The following CDKAL1 variants were observed in gnomAD, a reference collection of about 807,000 sequenced individuals.
CDKAL1 encodes threonylcarbamoyladenosine tRNA methylthiotransferase.
Under a neutral mutation model 68.2 loss-of-function variants are expected in CDKAL1, and 32 were observed. The observed-to-expected ratio is 0.47, with a 90% CI of 0.35 to 0.63. The LOEUF (loss-of-function observed/expected upper bound fraction) is 0.63. Ranked by LOEUF, CDKAL1 falls within the 30% of genes least tolerant of loss-of-function variation. CDKAL1 has a pLI of 0.00. For missense variants in CDKAL1, 606 were observed against 696.7 expected (o/e 0.87, Z 1.47); for synonymous variants, 234 against 244.3 (o/e 0.96, Z 0.39).
chr6:21,151,638 A>G (rs1304160822), intron 13 of CDKAL1, among the ~76,000 whole-genome samples: 1 of 152,252 alleles, frequency 6.6e-6, no homozygotes, highest in East Asian at 1.9e-4. Flanking sequence ...AAAAATAAAT[A>G]TGTAATAAAT....
chr6:20,861,141 A>C (rs1361813754), intron 9 of CDKAL1, among the ~76,000 whole-genome samples: 1 of 152,166 alleles, frequency 6.6e-6, no homozygotes, highest in Non-Finnish European at 1.5e-5. Context: ...TGTGCACCTG[A>C]TATGTCAAAT....
At chr6:20,960,700 A>G (rs1765011439) in intron 10 of CDKAL1, among the ~76,000 whole-genome samples, 1 of 152,216 alleles carries the variant, frequency 6.6e-6, no homozygotes, top group Admixed American at 6.5e-5. Flanking sequence ...TGCCTCATGT[A>G]CTGAAGTACC....
chr6:21,132,941 G>A (rs989119172), intron 13 of CDKAL1, among the ~76,000 whole-genome samples: 1 of 152,054 alleles, frequency 6.6e-6, no homozygotes, highest in Non-Finnish European at 1.5e-5. Flanking sequence ...ACATGATCCA[G>A]TTACAAAGAC....
At chr6:20,730,738 G>A (rs1427115276) in intron 5 of CDKAL1, among the ~76,000 whole-genome samples, 2 of 151,788 alleles carry the variant, frequency 1.3e-5, no homozygotes, top group Admixed American at 6.6e-5. Flanking sequence ...CCAGCTACTC[G>A]GGAGGCTGAG....
intron 9 of CDKAL1, among the ~76,000 whole-genome samples, chr6:20,853,332 G>T (rs905950500): frequency 2.7e-5 from 4 of 149,754 alleles, no homozygotes; most frequent in African/African-American, 9.9e-5. Context: ...AGTGAGCCAA[G>T]ATCGTGCCAC....
chr6:21,102,426 C>G (rs1318551860), intron 12 of CDKAL1, among the ~76,000 whole-genome samples: 1 of 152,184 alleles, frequency 6.6e-6, no homozygotes, highest in Non-Finnish European at 1.5e-5. Flanking sequence ...TAGTTAACAC[C>G]TTCACTTACT....
chr6:21,155,700 T>G (rs954018085), intron 13 of CDKAL1, among the ~76,000 whole-genome samples: 25 of 152,214 alleles, frequency 1.6e-4, no homozygotes, highest in Non-Finnish European at 3.4e-4. Flanking sequence ...TGGTGATTAT[T>G]CATTATGTTC....
At chr6:20,965,051 C>A (rs539082330) in intron 10 of CDKAL1, among the ~76,000 whole-genome samples, 52 of 152,084 alleles carry the variant, frequency 3.4e-4, no homozygotes, top group Non-Finnish European at 4.0e-4. Flanking sequence ...TGCCTCACAC[C>A]TGTAATTCCA....
In CDKAL1 at chr6:21,201,224, C is replaced by T. The variant is rs780613027; in HGVS notation, c.1498C>T (p.Pro500Ser). 4 of 1,612,896 alleles carry T rather than the reference C, an allele frequency of 2.5e-6. No homozygotes were observed. In the Admixed American group the frequency reaches 6.7e-5, roughly 27 times the overall value. The change falls in exon 15 of 16, where the codon CCC becomes TCC. Residue 500 changes from proline (P) to serine (S), a missense_variant. Physicochemically the swap from Pro to Ser is moderately conservative, Grantham distance 74. Transcript: ENST00000274695. The stretch of plus-strand genomic sequence containing the variant: ...AGTATCTGATGCCAAAGTGTACACG[C>T]CCTCCATCAGCAAACCGCTAGCAAA... ...QPVSDAKVYT[P>S]SISKPLAKGE...
intron 13 of CDKAL1, among the ~76,000 whole-genome samples, chr6:21,166,473 C>T (rs149870390): frequency 5.9e-5 from 9 of 152,254 alleles, no homozygotes; most frequent in East Asian, 5.8e-4. Context: ...CACGAAATGG[C>T]ATAGACCTGC....
At chr6:20,981,513 T>C (rs1766144311) in intron 10 of CDKAL1, among the ~76,000 whole-genome samples, 2 of 152,152 alleles carry the variant, frequency 1.3e-5, no homozygotes, top group South Asian at 4.1e-4. Flanking sequence ...CCTATGAGGA[T>C]AGGGCAATAG....
At chr6:20,709,534 A>G (rs1771749921) in intron 5 of CDKAL1, among the ~76,000 whole-genome samples, 1 of 152,150 alleles carries the variant, frequency 6.6e-6, no homozygotes, top group Non-Finnish European at 1.5e-5. Flanking sequence ...TTCCCTTTCT[A>G]GTGCTCATTG....
chr6:20,574,154 A>G (rs991184879), intron 4 of CDKAL1, among the ~76,000 whole-genome samples: 1 of 152,166 alleles, frequency 6.6e-6, no homozygotes, highest in Non-Finnish European at 1.5e-5. Context: ...AGCTTGGATT[A>G]ATTGGAAAAT....
intron 13 of CDKAL1, among the ~76,000 whole-genome samples, chr6:21,164,385 G>A (rs957171645): frequency 3.3e-5 from 5 of 151,872 alleles, no homozygotes; most frequent in African/African-American, 9.7e-5. Flanking sequence ...CTGGGACCTA[G>A]GATCTAGCCA....
In CDKAL1 at chr6:20,781,282, C is replaced by T. The variant is rs781485305; in HGVS notation, c.638+17C>T. 57 of 1,594,652 alleles carry T rather than the reference C, an allele frequency of 3.6e-5. No individual in the cohort carries two copies. The highest frequency in any genetic ancestry group is 4.7e-5 in the Non-Finnish European group (55 of 1,171,412). On this transcript the variant is annotated intron_variant, in intron 8 of 15. Transcript: ENST00000274695. Reference sequence around the variant, plus strand: ...CAATACCGGGTAAGCATCTCTCAAACTTGCTCATAAAATATTCAATATATT... The same window carrying T: ...CAATACCGGGTAAGCATCTCTCAAATTTGCTCATAAAATATTCAATATATT...
intron 9 of CDKAL1, among the ~76,000 whole-genome samples, chr6:20,916,771 T>C (rs111439735): frequency 0.011 from 1,651 of 152,308 alleles, 27 homozygotes; most frequent in African/African-American, 0.037. Context: ...AGCATCTGAT[T>C]GTATTGCTTC....
rs534891832 is a variant in CDKAL1, at chr6:21,050,814, C to T, written c.1056-14234C>T. On this transcript the variant is annotated intron_variant, in intron 11 of 15. Transcript: ENST00000274695. Reference sequence around the variant, plus strand: ...GGCTTTCAGGCTTTAAACTGTCTTCCAGCTTGGAGGTGGGGTTTCACTGGG... The same window carrying T: ...GGCTTTCAGGCTTTAAACTGTCTTCTAGCTTGGAGGTGGGGTTTCACTGGG... 6.3e-4 allele frequency among the ~76,000 whole-genome samples: 96 copies of T among 152,254 alleles called. 1 individual carries two copies. Among genetic ancestry groups the T allele is most frequent in the African/African-American group, 2.2e-3 (91 of 41,546 alleles).
intron 9 of CDKAL1, among the ~76,000 whole-genome samples, chr6:20,922,461 A>G (rs1385004884): frequency 6.6e-6 from 1 of 152,186 alleles, no homozygotes; most frequent in Non-Finnish European, 1.5e-5. Flanking sequence ...CAGTATCTAA[A>G]TTAAGATTTT....
intron 4 of CDKAL1, among the ~76,000 whole-genome samples, chr6:20,641,424 T>TA (rs1251530344): frequency 6.6e-6 from 1 of 151,290 alleles, no homozygotes; most frequent in Non-Finnish European, 1.5e-5. Context: ...CATGCAAGTT[T>TA]AAAAAAAAAG....
Sources: allele counts gnomAD v4.1 joint callset (sites outside exome capture counted in the v4.1 genomes callset), GRCh38; gene constraint gnomAD v4.1.1; transcripts MANE v1.5; gene names NCBI Gene and HGNC (gene_info 2026-07-23, HGNC 2026-07-21).